Variants in UTRN observed in about 807,000 individuals in gnomAD.
The protein encoded by UTRN is utrophin, also known as dystrophin-related protein 1.
In UTRN, 283 loss-of-function variants were observed where a neutral mutation model predicts 463.9. The observed-to-expected ratio is 0.61, with a 90% confidence interval of 0.55 to 0.67. UTRN has a LOEUF of 0.67. Ranked by LOEUF, UTRN falls within the 30% of genes least tolerant of loss-of-function variation. UTRN has a pLI of 0.00. For synonymous variants in UTRN, 1,442 were observed against 1,431.5 expected, an observed-to-expected ratio of 1.01 and a Z score of -0.17; for missense variants, 3,922 against 4,084.3, an observed-to-expected ratio of 0.96 and a Z score of 1.08.
intron 2 of UTRN, among the ~76,000 whole-genome samples, chr6:144,346,509 ATTAAAT>A (rs1361095051): frequency 6.6e-6 from 1 of 152,130 alleles, no homozygotes; most frequent in Non-Finnish European, 1.5e-5. Flanking sequence ...AAATAAGGAC[ATTAAAT>A]TTAATGTTAA....
chr6:144,518,693 G>A (rs529837749), intron 39 of UTRN, among the ~76,000 whole-genome samples: 3 of 152,150 alleles, frequency 2.0e-5, no homozygotes, highest in South Asian at 2.1e-4. Context: ...CTTTGGGTCC[G>A]AAATCAGAAA....
chr6:144,829,284 A>G (rs1012872759), intron 69 of UTRN, among the ~76,000 whole-genome samples: 1 of 152,044 alleles, frequency 6.6e-6, no homozygotes, highest in Admixed American at 6.6e-5. Context: ...ACCCACACAT[A>G]CTTAGATATA....
chr6:144,835,697 C>T (rs1462687395), intron 69 of UTRN, 83 bp from the exon 70 acceptor site: 10 of 1,565,932 alleles, frequency 6.4e-6, no homozygotes, highest in Non-Finnish European at 8.7e-6. Flanking sequence ...CTATCCTGTC[C>T]ATCATTATTT....
intron 51 of UTRN, among the ~76,000 whole-genome samples, chr6:144,634,958 C>T (rs770944055): frequency 9.2e-5 from 14 of 152,112 alleles, no homozygotes; most frequent in East Asian, 1.9e-4. Context: ...TTGGCTATTC[C>T]GAATAATGCT....
intron 2 of UTRN, among the ~76,000 whole-genome samples, chr6:144,325,291 G>C (rs2114593003): frequency 6.6e-6 from 1 of 152,304 alleles, no homozygotes; most frequent in Non-Finnish European, 1.5e-5. Flanking sequence ...TTCTTGAATG[G>C]ATTAATGTCA....
chr6:144,749,897 T>C (rs1415399803), intron 55 of UTRN, among the ~76,000 whole-genome samples: 2 of 152,180 alleles, frequency 1.3e-5, no homozygotes, highest in African/African-American at 2.4e-5. Flanking sequence ...AAATAGGCTA[T>C]TATTTGAAAT....
chr6:144,493,015 G>T (rs1287019534), intron 32 of UTRN, among the ~76,000 whole-genome samples: 1 of 152,112 alleles, frequency 6.6e-6, no homozygotes. Flanking sequence ...ATTTTATGTA[G>T]GAAAAATATT....
At chr6:144,847,094 C>T (rs1782085126) in intron 74 of UTRN, among the ~76,000 whole-genome samples, 1 of 152,256 alleles carries the variant, frequency 6.6e-6, no homozygotes, top group Middle Eastern at 3.4e-3. Context: ...CATAAAGTCA[C>T]TCTAGATAGA....
Position 144,711,965 on chromosome 6 carries a change from CTG to C in UTRN, c.7809+11738_7809+11739del, listed in dbSNP as rs3061883. ...ACAACACCCTACTGTTAAATTTAGGCTGTGTGTGTGTGTGTGTCTGTGCACAC... is the reference window on the plus strand; with the variant it reads ...ACAACACCCTACTGTTAAATTTAGGCTGTGTGTGTGTGTGTCTGTGCACAC... On this transcript the variant is annotated intron_variant, in intron 53 of 74. Transcript: ENST00000367545. Among the ~76,000 whole-genome samples the C allele has an allele frequency of 1.6e-3, 248 of 150,794 alleles. 1 individual carries two copies. Among genetic ancestry groups the C allele is most frequent in the Non-Finnish European group, 3.1e-3 (212 of 67,492 alleles).
At chr6:144,366,163 G>A (rs1321015866) in intron 2 of UTRN, among the ~76,000 whole-genome samples, 1 of 152,222 alleles carries the variant, frequency 6.6e-6, no homozygotes, top group Non-Finnish European at 1.5e-5. Context: ...ATGTGTTAAA[G>A]CAGTACAGCT....
chr6:144,772,017 T>G (rs13200266), intron 59 of UTRN, 49 bp downstream of exon 59: 5 of 139,354 alleles, frequency 3.6e-5, no homozygotes, highest in East Asian at 3.1e-3. Flanking sequence ...TGAGAACCGG[T>G]TTTTTTTTTT....
intron 2 of UTRN, among the ~76,000 whole-genome samples, chr6:144,381,575 G>A (rs1780931383): frequency 6.6e-6 from 1 of 152,198 alleles, no homozygotes; most frequent in Admixed American, 6.5e-5. Flanking sequence ...TTATGGGAGG[G>A]ACCCAGTGGG....
In UTRN at chr6:144,828,865, T is replaced by C; in HGVS notation, c.9665+10T>C. On this transcript the variant is annotated intron_variant, in intron 69 of 74. Transcript: ENST00000367545. ...CCACCACAGGAAGTGTGTAAGTAAA[T>C]CATGAAATTAGTGCTGCCTGGGAAG... is the stretch of plus-strand genomic sequence containing the variant. 6.2e-7 allele frequency: 1 copy of C among 1,613,102 alleles called. No homozygotes were observed. Among genetic ancestry groups the C allele is most frequent in the Non-Finnish European group, 8.5e-7 (1 of 1,179,424 alleles).
intron 58 of UTRN, among the ~76,000 whole-genome samples, chr6:144,768,249 T>C (rs1443580981): frequency 2.5e-5 from 3 of 118,522 alleles, no homozygotes; most frequent in African/African-American, 1.4e-4. Flanking sequence ...TATATTGTTA[T>C]GAATAATAAT....
chr6:144,694,343 GT>G (rs1021701194), intron 52 of UTRN, among the ~76,000 whole-genome samples: 1 of 151,746 alleles, frequency 6.6e-6, no homozygotes, highest in African/African-American at 2.4e-5. Flanking sequence ...TTAGCCTGAA[GT>G]TTTTTTGGTG....
At chr6:144,680,520 T>C (rs1369995100) in intron 52 of UTRN, among the ~76,000 whole-genome samples, 2 of 152,192 alleles carry the variant, frequency 1.3e-5, no homozygotes, top group Non-Finnish European at 2.9e-5. Context: ...AAAATAACTT[T>C]TACTTTGATT....
chr6:144,287,456 A>G (rs665461), intron 1 of UTRN, among the ~76,000 whole-genome samples: 6 of 152,056 alleles, frequency 3.9e-5, no homozygotes, highest in Non-Finnish European at 7.4e-5. Context: ...TTCCTTTTCT[A>G]CTATCTCAAT....
At chr6:144,418,060 G>C (rs1306703560) in intron 3 of UTRN, among the ~76,000 whole-genome samples, 2 of 151,998 alleles carry the variant, frequency 1.3e-5, no homozygotes, top group African/African-American at 4.8e-5. Flanking sequence ...ACCATTTAAT[G>C]AACATCTGTC....
chr6:144,481,478 A>C (rs1228319022), intron 26 of UTRN, among the ~76,000 whole-genome samples: 1 of 152,190 alleles, frequency 6.6e-6, no homozygotes, highest in Non-Finnish European at 1.5e-5. Context: ...ATTTTTTAAA[A>C]AGCTTAAATT....
Sources: gnomAD v4.1 joint callset for allele counts (sites outside exome capture counted in the v4.1 genomes callset) on GRCh38, gnomAD v4.1.1 for gene constraint, MANE v1.5 for transcripts, NCBI Gene and HGNC (gene_info 2026-07-23, HGNC 2026-07-21) for gene names.